The following ZNF148 variants were observed in gnomAD, a reference collection of about 807,000 sequenced individuals.
ZNF148 encodes the protein Beta-Enolase Repressor Factor-1.
ZNF148 carries 7 observed loss-of-function variants against 67.7 expected under a neutral mutation model. That is an observed-to-expected ratio of 0.10 (90% CI 0.06 to 0.19). The LOEUF is 0.19. ZNF148 is among the 10% of genes least tolerant of loss of function. The probability of loss-of-function intolerance (pLI) is 1.00; values close to 1 mark genes in which losing one functional copy is unlikely to be tolerated. For missense variants in ZNF148, 583 were observed against 947.1 expected (o/e 0.62, Z 5.05); for synonymous variants, 333 against 330.7 (o/e 1.01, Z -0.08).
chr3:125,317,923 C>T (rs1396354922), intron 3 of ZNF148, among the ~76,000 whole-genome samples: 1 of 151,526 alleles, frequency 6.6e-6, no homozygotes, highest in Non-Finnish European at 1.5e-5. Context: ...AAAACAAAGA[C>T]TTAGTGTTAT....
At chr3:125,275,095 T>C (rs1049126096) in intron 7 of ZNF148, among the ~76,000 whole-genome samples, 8 of 152,170 alleles carry the variant, frequency 5.3e-5, no homozygotes, top group Non-Finnish European at 8.8e-5. Flanking sequence ...CATTTTACTG[T>C]CTTTAAAAAG....
chr3:125,317,826 A>G (rs1940593649), intron 3 of ZNF148, among the ~76,000 whole-genome samples: 2 of 151,584 alleles, frequency 1.3e-5, no homozygotes, highest in African/African-American at 4.8e-5. Context: ...TCATGTACCA[A>G]CATCTTTTCT....
At chr3:125,334,612 TAATC>T (rs962367605) in intron 1 of ZNF148, among the ~76,000 whole-genome samples, 15 of 152,176 alleles carry the variant, frequency 9.9e-5, no homozygotes, top group Admixed American at 2.0e-4. Flanking sequence ...TTAAATCACT[TAATC>T]AAAACAACAA....
chr3:125,279,273 A>C, intron 5 of ZNF148, 26 bp from the exon 6 acceptor site: 1 of 1,499,708 alleles, frequency 6.7e-7, no homozygotes, highest in Non-Finnish European at 8.9e-7. Context: ...AAAGGCAAAA[A>C]CAAAAGAAAT....
At chr3:125,330,517 A>G (rs970843057) in intron 2 of ZNF148, among the ~76,000 whole-genome samples, 1 of 150,630 alleles carries the variant, frequency 6.6e-6, no homozygotes, top group Non-Finnish European at 1.5e-5. Context: ...TTTAAAATGC[A>G]CAGAGAAATT....
At chr3:125,248,568 A>T (rs780661977) in intron 7 of ZNF148, among the ~76,000 whole-genome samples, 4 of 152,226 alleles carry the variant, frequency 2.6e-5, no homozygotes, top group Non-Finnish European at 5.9e-5. Flanking sequence ...TTTTTTCATG[A>T]CTAAAATCAT....
intron 5 of ZNF148, among the ~76,000 whole-genome samples, chr3:125,281,237 G>A (rs1938368594): frequency 6.6e-6 from 1 of 152,168 alleles, no homozygotes; most frequent in Admixed American, 6.5e-5. Context: ...TTCCTGAGGA[G>A]AGTCAAAGAA....
At chr3:125,320,954 G>A (rs1182956985) in intron 3 of ZNF148, among the ~76,000 whole-genome samples, 2 of 152,144 alleles carry the variant, frequency 1.3e-5, no homozygotes, top group African/African-American at 4.8e-5. Flanking sequence ...AGATCATTTG[G>A]TGAGATGAAA....
chr3:125,365,627 G>A (rs1350523151), intron 1 of ZNF148, among the ~76,000 whole-genome samples: 3 of 152,110 alleles, frequency 2.0e-5, no homozygotes, highest in Non-Finnish European at 2.9e-5. Flanking sequence ...GATCAGCCCA[G>A]GCAACATGGT....
At chr3:125,312,563 G>T (rs963899188) in intron 4 of ZNF148, among the ~76,000 whole-genome samples, 4 of 152,164 alleles carry the variant, frequency 2.6e-5, no homozygotes, top group Non-Finnish European at 5.9e-5. Context: ...TGATGATGAT[G>T]GAGCACTATC....
intron 2 of ZNF148, among the ~76,000 whole-genome samples, chr3:125,329,781 G>A (rs1337834506): frequency 1.3e-5 from 2 of 151,670 alleles, no homozygotes; most frequent in African/African-American, 4.8e-5. Flanking sequence ...ATTATGATAT[G>A]TCCAAATATC....
chr3:125,246,001 GCTTT>G (rs1249309558), intron 7 of ZNF148, among the ~76,000 whole-genome samples: 2 of 152,072 alleles, frequency 1.3e-5, no homozygotes, highest in African/African-American at 4.8e-5. Context: ...AATCAAAGTG[GCTTT>G]CTTTCTATTC....
rs189110744 is a variant in ZNF148, at chr3:125,267,257, G to A, written c.667+10469C>T. Among the ~76,000 whole-genome samples the A allele has an allele frequency of 8.0e-5, 12 of 150,534 alleles. No individual in the cohort carries two copies. In the East Asian group the frequency reaches 1.9e-3, roughly 24 times the overall value. ...TACCAAAATCTGGCAAAGACACAAC[G>A]GGGAAAAAAAAAAACAAAACTAAAG... On this transcript the variant is annotated intron_variant, in intron 7 of 8. Transcript: ENST00000360647.
At position 125,230,806 on chromosome 3, in the gene ZNF148, T is replaced by C. The variant is rs576600464; in HGVS notation, c.*1535A>G. The C allele has an allele frequency of 6.6e-6, 1 of 152,146 alleles. No homozygotes were observed. The highest frequency in any genetic ancestry group is 2.4e-5 in the African/African-American group (1 of 41,430). 9.4% of individuals were successfully genotyped at this position (152,146 alleles called of 1,614,324 possible). On this transcript the variant is annotated 3_prime_UTR_variant, in exon 9 of 9. Transcript: ENST00000360647. ...ATCAGGATGTGCATTGTGACAACGA[T>C]GGCAGAAAATTTAAAATGTAAAAAT...
chr3:125,364,401 C>G (rs964848522), intron 1 of ZNF148, among the ~76,000 whole-genome samples: 3 of 152,096 alleles, frequency 2.0e-5, no homozygotes, highest in African/African-American at 7.2e-5. Context: ...AAAAAACAAA[C>G]AGAACACCTC....
chr3:125,306,398 C>T (rs2107659534), intron 4 of ZNF148, among the ~76,000 whole-genome samples: 1 of 152,050 alleles, frequency 6.6e-6, no homozygotes, highest in South Asian at 2.1e-4. Context: ...TCTACCCAGT[C>T]TAATTAAGAA....
At chr3:125,306,726 G>A (rs1939897948) in intron 4 of ZNF148, among the ~76,000 whole-genome samples, 2 of 151,996 alleles carry the variant, frequency 1.3e-5, no homozygotes, top group Non-Finnish European at 2.9e-5. Context: ...CTGATGTGAT[G>A]ACATGTGTGT....
At chr3:125,250,573 C>A (rs756715686) in intron 7 of ZNF148, among the ~76,000 whole-genome samples, 13 of 152,150 alleles carry the variant, frequency 8.5e-5, no homozygotes, top group Non-Finnish European at 1.5e-4. Flanking sequence ...AAAATGTAGA[C>A]CAATAATATG....
At chr3:125,282,109 A>T (rs1938422052) in intron 5 of ZNF148, among the ~76,000 whole-genome samples, 1 of 152,066 alleles carries the variant, frequency 6.6e-6, no homozygotes, top group South Asian at 2.1e-4. Flanking sequence ...TTACTTTTCA[A>T]TTTTTTAGTC....
Sources: allele counts gnomAD v4.1 joint callset (sites outside exome capture counted in the v4.1 genomes callset), GRCh38; gene constraint gnomAD v4.1.1; transcripts MANE v1.5; gene names NCBI Gene and HGNC (gene_info 2026-07-23, HGNC 2026-07-21).